Variants in NELL1 observed in about 807,000 individuals in gnomAD.
NELL1 encodes neural EGFL like 1, also known as protein kinase C-binding protein NELL1.
Under a neutral mutation model 107.4 loss-of-function variants are expected in NELL1, and 76 were observed. That is an observed-to-expected ratio of 0.71 (90% CI 0.59 to 0.86). The LOEUF (loss-of-function observed/expected upper bound fraction) is 0.86, where lower values mean the gene tolerates loss of function less well. Ranked by LOEUF, NELL1 falls within the 40% of genes least tolerant of loss-of-function variation. NELL1 has a pLI of 0.00. For missense variants in NELL1, 1,024 were observed against 1,005.5 expected (o/e 1.02, Z -0.25); for synonymous variants, 353 against 341.2 (o/e 1.03, Z -0.38).
At chr11:21,039,255 G>A (rs756811070) in intron 12 of NELL1, among the ~76,000 whole-genome samples, 9 of 151,552 alleles carry the variant, frequency 5.9e-5, no homozygotes, top group African/African-American at 9.7e-5. Flanking sequence ...GTGCAATCTC[G>A]GCTCACTGCA....
At chr11:20,886,193 C>A (rs1849504651) in intron 5 of NELL1, among the ~76,000 whole-genome samples, 1 of 152,038 alleles carries the variant, frequency 6.6e-6, no homozygotes, top group African/African-American at 2.4e-5. Flanking sequence ...ATAGCCTAAA[C>A]CTCAACATCA....
In NELL1 at chr11:20,934,730, G is replaced by A. The variant is rs554273839; in HGVS notation, c.998-3056G>A. On this transcript the variant is annotated intron_variant, in intron 9 of 19. Coordinates refer to ENST00000357134, the MANE Select transcript of NELL1 (RefSeq NM_006157.5). ...AACAAGCTGCCTTGCCAAGTTGGCA[G>A]CAGGCACATTTGGGAGTGTGGGAAT... is the stretch of plus-strand genomic sequence containing the variant. 4.6e-5 allele frequency among the ~76,000 whole-genome samples: 7 copies of A among 152,346 alleles called. No homozygotes were observed. The South Asian group carries it at 1.4e-3, about 32-fold the overall frequency.
intron 15 of NELL1, among the ~76,000 whole-genome samples, chr11:21,391,313 G>A (rs185639598): frequency 1.7e-4 from 26 of 151,520 alleles, no homozygotes; most frequent in African/African-American, 6.0e-4. Flanking sequence ...CAGGAAATTT[G>A]ATGATGATGT....
chr11:20,921,542 G>T (rs1850376149), intron 7 of NELL1, among the ~76,000 whole-genome samples: 1 of 152,046 alleles, frequency 6.6e-6, no homozygotes, highest in African/African-American at 2.4e-5. Context: ...TAAGAAGAGA[G>T]ATAAAAGCTA....
chr11:20,934,379 G>T (rs1390240610), intron 9 of NELL1, among the ~76,000 whole-genome samples: 1 of 152,204 alleles, frequency 6.6e-6, no homozygotes, highest in African/African-American at 2.4e-5. Flanking sequence ...AAAGCACCCT[G>T]CTATGTGAGT....
intron 16 of NELL1, among the ~76,000 whole-genome samples, chr11:21,541,547 C>T (rs1856292960): frequency 6.6e-6 from 1 of 151,982 alleles, no homozygotes; most frequent in Non-Finnish European, 1.5e-5. Flanking sequence ...AGGGGTAGAA[C>T]CTGGAGGTGC....
At chr11:21,526,755 C>A (rs1305370446) in intron 15 of NELL1, among the ~76,000 whole-genome samples, 5 of 152,172 alleles carry the variant, frequency 3.3e-5, no homozygotes, top group Non-Finnish European at 7.3e-5. Context: ...ACACTGGCCC[C>A]TTTTAGCCTG....
intron 13 of NELL1, among the ~76,000 whole-genome samples, chr11:21,227,837 C>A (rs888109395): frequency 9.2e-5 from 14 of 152,122 alleles, no homozygotes; most frequent in African/African-American, 3.1e-4. Flanking sequence ...CAATCAGATG[C>A]ATGTGTGTGC....
At chr11:21,141,074 A>T (rs1275727727) in intron 13 of NELL1, among the ~76,000 whole-genome samples, 1 of 152,192 alleles carries the variant, frequency 6.6e-6, no homozygotes, top group Admixed American at 6.5e-5. Context: ...AAAAATGGTC[A>T]ATTTTATGGT....
Position 20,901,801 on chromosome 11 carries a change from G to A in NELL1, c.603+16261G>A, listed in dbSNP as rs564919825. 2.0e-5 allele frequency among the ~76,000 whole-genome samples: 3 copies of A among 152,116 alleles called. No homozygotes were observed. The East Asian group carries it at 5.8e-4, about 29-fold the overall frequency. The stretch of plus-strand genomic sequence containing the variant: ...CAGAAATGACCCTTTCGTCATGTGT[G>A]GAAACTTGGAAACTTGACACATAAC... On this transcript the variant is annotated intron_variant, in intron 5 of 19. Coordinates refer to ENST00000357134, the MANE Select transcript of NELL1 (RefSeq NM_006157.5).
intron 12 of NELL1, among the ~76,000 whole-genome samples, chr11:20,984,449 C>A (rs928007810): frequency 2.6e-5 from 4 of 152,170 alleles, no homozygotes; most frequent in African/African-American, 9.7e-5. Context: ...AATTCTACTG[C>A]ATAGGTTGGA....
At chr11:21,443,102 G>A (rs1158236056) in intron 15 of NELL1, among the ~76,000 whole-genome samples, 2 of 152,004 alleles carry the variant, frequency 1.3e-5, no homozygotes, top group African/African-American at 4.8e-5. Flanking sequence ...ATCCAAGATT[G>A]ACGGGACATA....
intron 12 of NELL1, among the ~76,000 whole-genome samples, chr11:21,001,893 A>G (rs1852230449): frequency 6.6e-6 from 1 of 152,054 alleles, no homozygotes; most frequent in Non-Finnish European, 1.5e-5. Context: ...GTGAGAGCTG[A>G]TGGAAACAGC....
At chr11:21,289,840 G>A (rs111969287) in intron 14 of NELL1, among the ~76,000 whole-genome samples, 1,777 of 152,216 alleles carry the variant, frequency 0.012, 44 homozygotes, top group African/African-American at 0.04. Context: ...GGCTTGAGTA[G>A]GCAATTTTCC....
At chr11:21,347,563 T>C (rs543687811) in intron 14 of NELL1, among the ~76,000 whole-genome samples, 50 of 152,212 alleles carry the variant, frequency 3.3e-4, no homozygotes, top group African/African-American at 1.2e-3. Flanking sequence ...GACTGCGCCA[T>C]TGTACTCCAG....
rs1851702745 is a variant in NELL1, at chr11:20,979,332, T to G, written c.1300+18772T>G. Among the ~76,000 whole-genome samples the G allele has an allele frequency of 2.0e-5, 3 of 152,284 alleles. No homozygotes were observed. The South Asian group carries it at 6.2e-4, about 32-fold the overall frequency. ...TGCTAAAACCTTAAAAAACTATAAA[T>G]TAAACTTTTCTTGAATGGAAGATAT... On this transcript the variant is annotated intron_variant, in intron 12 of 19. Transcript: ENST00000357134.
intron 15 of NELL1, among the ~76,000 whole-genome samples, chr11:21,393,162 G>A (rs1368427776): frequency 6.6e-6 from 1 of 151,654 alleles, no homozygotes; most frequent in Non-Finnish European, 1.5e-5. Context: ...GGGGTTGAAG[G>A]ACCATCAAGA....
intron 14 of NELL1, among the ~76,000 whole-genome samples, chr11:21,326,943 G>A (rs1341159951): frequency 2.0e-5 from 3 of 151,910 alleles, no homozygotes; most frequent in Admixed American, 1.3e-4. Context: ...GTGTCCTTTT[G>A]TTTTTAAATG....
intron 15 of NELL1, among the ~76,000 whole-genome samples, chr11:21,521,208 C>G (rs1460839289): frequency 6.6e-6 from 1 of 152,194 alleles, no homozygotes; most frequent in African/African-American, 2.4e-5. Context: ...TAATATCATT[C>G]AGTCCTAAAT....
Sources: gnomAD v4.1 joint callset for allele counts (sites outside exome capture counted in the v4.1 genomes callset) on GRCh38, gnomAD v4.1.1 for gene constraint, MANE v1.5 for transcripts, NCBI Gene and HGNC (gene_info 2026-07-23, HGNC 2026-07-21) for gene names.